Variants in NXPH2 observed in about 807,000 individuals in gnomAD.
NXPH2 encodes the protein neurexophilin 2.
In NXPH2, 5 loss-of-function variants were observed where a neutral mutation model predicts 19.8. The observed-to-expected ratio is 0.25, with a 90% CI of 0.13 to 0.53. The LOEUF (loss-of-function observed/expected upper bound fraction) is 0.53, where lower values mean the gene tolerates loss of function less well. NXPH2 is among the 20% of genes least tolerant of loss of function. The pLI, the probability that NXPH2 is intolerant of heterozygous loss-of-function variation, is 0.96. For missense variants in NXPH2, 289 were observed against 322.8 expected, an observed-to-expected ratio of 0.90 and a Z score of 0.80; for synonymous variants, 154 against 127.4, an observed-to-expected ratio of 1.21 and a Z score of -1.41.
rs544928854 is a variant in NXPH2 at position 138,722,381 on chromosome 2, G to T, written c.52-50716C>A. Among the ~76,000 whole-genome samples the T allele has an allele frequency of 3.3e-5, 5 of 152,342 alleles. No homozygotes were observed. The South Asian group carries it at 1.0e-3, about 32-fold the overall frequency. On this transcript the variant is annotated intron_variant, in intron 1 of 1. Coordinates refer to ENST00000272641, the MANE Select transcript of NXPH2 (RefSeq NM_007226.3). ...CCTACAGCAGAAGAAAGCTGGGCTT[G>T]GGGGAAGGAAAATCAAGGAAGTATG...
intron 1 of NXPH2, among the ~76,000 whole-genome samples, chr2:138,672,129 T>G (rs1222111835): frequency 2.0e-5 from 3 of 152,228 alleles, no homozygotes; most frequent in African/African-American, 7.2e-5. Flanking sequence ...TTAAGGGGAT[T>G]ATTACATTCA....
At chr2:138,752,322 T>G (rs937051021) in intron 1 of NXPH2, among the ~76,000 whole-genome samples, 1 of 152,116 alleles carries the variant, frequency 6.6e-6, no homozygotes, top group Non-Finnish European at 1.5e-5. Flanking sequence ...GTAGAGTTCT[T>G]GGCACAAAAT....
intron 1 of NXPH2, among the ~76,000 whole-genome samples, chr2:138,700,147 A>C (rs1422811121): frequency 6.6e-6 from 1 of 152,118 alleles, no homozygotes; most frequent in Non-Finnish European, 1.5e-5. Flanking sequence ...TGCACCCTGG[A>C]AAATAAGCAG....
At chr2:138,704,877 T>A (rs1573960375) in intron 1 of NXPH2, among the ~76,000 whole-genome samples, 1 of 150,144 alleles carries the variant, frequency 6.7e-6, no homozygotes, top group African/African-American at 2.5e-5. Context: ...CAGGCTGGAG[T>A]GCAATGGCAC....
intron 1 of NXPH2, among the ~76,000 whole-genome samples, chr2:138,698,133 A>T (rs1184591336): frequency 6.6e-6 from 1 of 152,164 alleles, no homozygotes; most frequent in Non-Finnish European, 1.5e-5. Context: ...AATGTTATTT[A>T]TACTTTGATA....
chr2:138,691,447 T>C (rs1215617451), intron 1 of NXPH2, among the ~76,000 whole-genome samples: 1 of 152,172 alleles, frequency 6.6e-6, no homozygotes, highest in Non-Finnish European at 1.5e-5. Flanking sequence ...ATTGACAGTC[T>C]TTTATCAGCA....
At chr2:138,746,338 T>A (rs190052639) in intron 1 of NXPH2, among the ~76,000 whole-genome samples, 5 of 152,356 alleles carry the variant, frequency 3.3e-5, no homozygotes, top group Admixed American at 1.3e-4. Context: ...ACTTGTGTCC[T>A]GTGAAGCGGC....
intron 1 of NXPH2, among the ~76,000 whole-genome samples, chr2:138,753,578 G>A (rs1681857992): frequency 1.3e-5 from 2 of 152,206 alleles, no homozygotes; most frequent in South Asian, 4.1e-4. Context: ...ATATATATGT[G>A]TATGCTAACT....
intron 1 of NXPH2, among the ~76,000 whole-genome samples, chr2:138,729,296 T>C (rs1573969067): frequency 6.6e-6 from 1 of 151,590 alleles, no homozygotes; most frequent in East Asian, 2.0e-4. Flanking sequence ...AAAATTCTCA[T>C]GAGATCTGAT....
chr2:138,744,085 T>C (rs1250145081), intron 1 of NXPH2, among the ~76,000 whole-genome samples: 2 of 151,338 alleles, frequency 1.3e-5, no homozygotes, highest in Non-Finnish European at 2.9e-5. Context: ...AATATCCTAC[T>C]CTCTTACTCG....
intron 1 of NXPH2, among the ~76,000 whole-genome samples, chr2:138,768,644 C>T (rs1682128192): frequency 6.6e-6 from 1 of 152,184 alleles, no homozygotes; most frequent in South Asian, 2.1e-4. Context: ...CTGGTTCATA[C>T]CCTTTCTGTG....
chr2:138,772,578 T>A (rs527818582), intron 1 of NXPH2, among the ~76,000 whole-genome samples: 1 of 152,220 alleles, frequency 6.6e-6, no homozygotes, highest in South Asian at 2.1e-4. Flanking sequence ...ACTACAGGGG[T>A]GAGCCACCGC....
chr2:138,741,113 A>C (rs1681635513), intron 1 of NXPH2, among the ~76,000 whole-genome samples: 1 of 152,068 alleles, frequency 6.6e-6, no homozygotes, highest in African/African-American at 2.4e-5. Context: ...CAGAAATTCC[A>C]CTTAACAGAT....
chr2:138,687,509 A>G (rs1680679308), intron 1 of NXPH2, among the ~76,000 whole-genome samples: 1 of 151,760 alleles, frequency 6.6e-6, no homozygotes, highest in South Asian at 2.1e-4. Context: ...TTGCCTGTTC[A>G]CTCTGATGGT....
intron 1 of NXPH2, among the ~76,000 whole-genome samples, chr2:138,683,327 G>C (rs1680604579): frequency 6.6e-6 from 1 of 152,086 alleles, no homozygotes; most frequent in South Asian, 2.1e-4. Context: ...TAATGGCCTG[G>C]GAGAGACAAC....
intron 1 of NXPH2, among the ~76,000 whole-genome samples, chr2:138,680,603 C>T (rs1478146723): frequency 6.6e-6 from 1 of 152,072 alleles, no homozygotes; most frequent in Non-Finnish European, 1.5e-5. Flanking sequence ...TGTTCTCTCT[C>T]TCTCTATATA....
intron 1 of NXPH2, among the ~76,000 whole-genome samples, chr2:138,737,368 G>A (rs1435680498): frequency 3.3e-5 from 5 of 152,158 alleles, no homozygotes; most frequent in East Asian, 1.9e-4. Flanking sequence ...AGAGCCAAGC[G>A]AAAGGAGTTT....
chr2:138,765,631 A>G (rs1438885688), intron 1 of NXPH2, among the ~76,000 whole-genome samples: 1 of 152,218 alleles, frequency 6.6e-6, no homozygotes, highest in Non-Finnish European at 1.5e-5. Context: ...ATTTTTCAAT[A>G]AAAAGGGAAT....
chr2:138,727,276 A>G (rs1440732529), intron 1 of NXPH2, among the ~76,000 whole-genome samples: 1 of 152,196 alleles, frequency 6.6e-6, no homozygotes, highest in Non-Finnish European at 1.5e-5. Context: ...TTTTCAACTT[A>G]TCTGGATAAA....
Sources: gnomAD v4.1 joint callset for allele counts (sites outside exome capture counted in the v4.1 genomes callset) on GRCh38, gnomAD v4.1.1 for gene constraint, MANE v1.5 for transcripts, NCBI Gene and HGNC (gene_info 2026-07-23, HGNC 2026-07-21) for gene names.